NIM1K: variants seen among roughly 807,000 people sequenced by gnomAD.
NIM1K encodes the protein serine/threonine-protein kinase NIM1.
NIM1K carries 35 observed loss-of-function variants against 37.1 expected under a neutral mutation model. That is an observed-to-expected ratio of 0.94 (90% CI 0.72 to 1.25). The LOEUF (loss-of-function observed/expected upper bound fraction) is 1.25, where lower values mean the gene tolerates loss of function less well. Ranked by LOEUF, NIM1K falls within the 50% of genes most tolerant of loss-of-function variation. The pLI is 0.00. For missense variants in NIM1K, 564 were observed against 548.0 expected, an observed-to-expected ratio of 1.03 and a Z score of -0.29; for synonymous variants, 234 against 206.6, an observed-to-expected ratio of 1.13 and a Z score of -1.14.
At chr5:43,278,882 G>A (rs892794883) in intron 3 of NIM1K, among the ~76,000 whole-genome samples, 1 of 152,164 alleles carries the variant, frequency 6.6e-6, no homozygotes, top group South Asian at 2.1e-4. Flanking sequence ...TCAGACCTGT[G>A]ATATATGACC....
intron 1 of NIM1K, among the ~76,000 whole-genome samples, chr5:43,196,972 G>A (rs12520933): frequency 0.2 from 19,393 of 97,104 alleles, 1,695 homozygotes; most frequent in Middle Eastern, 0.38. Context: ...TTTTGGTAAA[G>A]ACAAGGTTTC....
Position 43,245,961 on chromosome 5 carries a change from G to C in NIM1K, c.186G>C (p.Val62=), listed in dbSNP as rs141436687. 2 of 1,614,068 alleles carry C rather than the reference G, an allele frequency of 1.2e-6. No homozygotes were observed. The highest frequency in any genetic ancestry group is 2.7e-5 in the African/African-American group (2 of 74,934). The change falls in exon 2 of 4, where the codon GTG becomes GTC. Residue 62 remains valine (V), a synonymous_variant. Transcript: ENST00000326035. ...TQDMSQDEKV[V]REITLGKRIG... The stretch of plus-strand genomic sequence containing the variant: ...ACATGTCCCAGGATGAGAAGGTGGT[G>C]AGGGAGATCACGCTGGGGAAACGGA...
chr5:43,219,118 G>A (rs1752347994), intron 1 of NIM1K, among the ~76,000 whole-genome samples: 1 of 152,126 alleles, frequency 6.6e-6, no homozygotes, highest in Non-Finnish European at 1.5e-5. Flanking sequence ...TTCCCCTTCT[G>A]CCATGATTGT....
At chr5:43,249,363 C>A (rs1050793486) in intron 2 of NIM1K, among the ~76,000 whole-genome samples, 1 of 152,080 alleles carries the variant, frequency 6.6e-6, no homozygotes, top group Non-Finnish European at 1.5e-5. Context: ...CCACCGTGCC[C>A]GGCCCTTACT....
In NIM1K at chr5:43,239,536, T is replaced by C. The variant is rs370080113; in HGVS notation, c.-694-5546T>C. 4.9e-4 allele frequency among the ~76,000 whole-genome samples: 70 copies of C among 143,502 alleles called. 2 individuals are homozygous for C. Among genetic ancestry groups the C allele is most frequent in the African/African-American group, 1.8e-3 (68 of 37,796 alleles). The allele number at this position is 143,502 out of a possible 152,430, so 94.1% of individuals were successfully genotyped here. ...TATAGGCGTGAGCCACCGCGCCTGC[T>C]TTTTTTTGAGATGGAATTTCACTCT... On this transcript the variant is annotated intron_variant, in intron 1 of 3. Coordinates refer to ENST00000326035, the MANE Select transcript of NIM1K (RefSeq NM_153361.4).
chr5:43,201,081 C>T (rs950893502), intron 1 of NIM1K, among the ~76,000 whole-genome samples: 2 of 148,848 alleles, frequency 1.3e-5, no homozygotes, highest in African/African-American at 2.5e-5. Flanking sequence ...GCCAAGATGG[C>T]GCCGCTGCAC....
intron 1 of NIM1K, among the ~76,000 whole-genome samples, chr5:43,214,085 A>T (rs1033018584): frequency 6.6e-6 from 1 of 151,330 alleles, no homozygotes; most frequent in Non-Finnish European, 1.5e-5. Context: ...CATTACAGGC[A>T]TGAGCCACCA....
chr5:43,226,561 GT>G (rs1752459882), intron 1 of NIM1K, among the ~76,000 whole-genome samples: 1 of 152,202 alleles, frequency 6.6e-6, no homozygotes, highest in South Asian at 2.1e-4. Flanking sequence ...AAAATCAGAA[GT>G]TTAGTTCTCA....
chr5:43,249,195 G>C (rs1458647808), intron 2 of NIM1K, among the ~76,000 whole-genome samples: 3 of 151,848 alleles, frequency 2.0e-5, no homozygotes, highest in Admixed American at 1.3e-4. Flanking sequence ...TCAGCTTCCC[G>C]AGTAGCTGGG....
At chr5:43,198,326 TTCTG>T (rs939888720) in intron 1 of NIM1K, among the ~76,000 whole-genome samples, 26 of 142,178 alleles carry the variant, frequency 1.8e-4, no homozygotes, top group African/African-American at 4.5e-4. Flanking sequence ...CTTCCTTCCT[TTCTG>T]TCTTTCTGTC....
chr5:43,227,206 C>CAA (rs1752470373), intron 1 of NIM1K, among the ~76,000 whole-genome samples: 1 of 151,934 alleles, frequency 6.6e-6, no homozygotes, highest in Non-Finnish European at 1.5e-5. Context: ...ACTAAAAATA[C>CAA]AAAATTAGCC....
At chr5:43,246,127 G>T in intron 2 of NIM1K, 60 bp downstream of exon 2, 2 of 1,480,542 alleles carry the variant, frequency 1.4e-6, no homozygotes, top group Non-Finnish European at 1.8e-6. Flanking sequence ...GTAGGAAAGG[G>T]GTTAGGTGGC....
At chr5:43,252,330 G>A (rs944601463) in intron 2 of NIM1K, among the ~76,000 whole-genome samples, 18 of 152,120 alleles carry the variant, frequency 1.2e-4, no homozygotes, top group African/African-American at 4.3e-4. Flanking sequence ...CTGCTACAAA[G>A]TAGCTCTATT....
rs1200536296 is a variant in NIM1K, at chr5:43,265,437, A to G, written c.293-11620A>G. 5.3e-5 allele frequency among the ~76,000 whole-genome samples: 8 copies of G among 152,232 alleles called. No individual in the cohort carries two copies. The South Asian group carries it at 1.5e-3, about 28-fold the overall frequency. On this transcript the variant is annotated intron_variant, in intron 2 of 3. Transcript: ENST00000326035. ...CTACTGAAGCTTGTGCATGCATCACATAGTTCTTGTGCCATGGTTTTCAGC... is the reference window on the plus strand; with the variant it reads ...CTACTGAAGCTTGTGCATGCATCACGTAGTTCTTGTGCCATGGTTTTCAGC...
chr5:43,232,701 G>C, intron 1 of NIM1K: 8 of 1,453,750 alleles, frequency 5.5e-6, no homozygotes, highest in Non-Finnish European at 7.5e-6. Context: ...AATCAACCGG[G>C]AGTTGTTCCA....
intron 2 of NIM1K, among the ~76,000 whole-genome samples, chr5:43,261,633 T>C (rs1282342725): frequency 6.6e-6 from 1 of 152,006 alleles, no homozygotes; most frequent in African/African-American, 2.4e-5. Context: ...ATTTGTCAAT[T>C]TTGGCTTTTG....
At chr5:43,233,270 G>A (rs1039891686) in intron 1 of NIM1K, 10 of 501,944 alleles carry the variant, frequency 2.0e-5, no homozygotes, top group Admixed American at 1.8e-4. Context: ...AAGAGAACCT[G>A]CCTATTATTT....
chr5:43,254,179 G>GA (rs1275017384), intron 2 of NIM1K, among the ~76,000 whole-genome samples: 1 of 152,168 alleles, frequency 6.6e-6, no homozygotes, highest in African/African-American at 2.4e-5. Context: ...TTAGGATATT[G>GA]AAAAACCTTG....
chr5:43,227,040 G>T (rs1267770099), intron 1 of NIM1K, among the ~76,000 whole-genome samples: 1 of 152,194 alleles, frequency 6.6e-6, no homozygotes, highest in African/African-American at 2.4e-5. Flanking sequence ...TCCGTGCCTA[G>T]CTGGAAGAGT....
Sources: gnomAD v4.1 joint callset for allele counts (sites outside exome capture counted in the v4.1 genomes callset) on GRCh38, gnomAD v4.1.1 for gene constraint, MANE v1.5 for transcripts, NCBI Gene and HGNC (gene_info 2026-07-23, HGNC 2026-07-21) for gene names.